The following TNRC6A variants were observed in gnomAD, a reference collection of about 807,000 sequenced individuals.
TNRC6A encodes trinucleotide repeat-containing gene 6A protein.
In TNRC6A, 44 loss-of-function variants were observed where a neutral mutation model predicts 221.2. The ratio of observed to expected loss-of-function variants is 0.20; its 90% CI spans 0.16 to 0.26. The LOEUF is 0.26. Ranked by LOEUF, TNRC6A falls within the 10% of genes least tolerant of loss-of-function variation. TNRC6A has a pLI of 1.00. For synonymous variants in TNRC6A, 847 were observed against 838.5 expected (o/e 1.01, Z -0.18); for missense variants, 2,199 against 2,404.4 (o/e 0.91, Z 1.79).
At chr16:24,726,961 T>G (rs1486227433), upstream of TNRC6A, among the ~76,000 whole-genome samples, 1 of 152,086 alleles carries the variant, frequency 6.6e-6, no homozygotes, top group African/African-American at 2.4e-5. Context: ...CACTCTACAT[T>G]GCAGCCCAGG....
intron 2 of TNRC6A, among the ~76,000 whole-genome samples, chr16:24,655,107 G>C (rs1444200756): frequency 6.6e-6 from 1 of 152,042 alleles, no homozygotes; most frequent in East Asian, 1.9e-4. Flanking sequence ...AGCTGGGCAT[G>C]GTGGCAGACG....
chr16:24,716,955 CAAAAAAAAAAAAAGAA>C (rs1287786873), intron 2 of TNRC6A, among the ~76,000 whole-genome samples: 267 of 75,180 alleles, frequency 3.6e-3, no homozygotes, highest in African/African-American at 0.012. Context: ...GACTCCATCT[CAAAAAAAAAAAAAGAA>C]AAAAAAAAAA....
intron 11 of TNRC6A, among the ~76,000 whole-genome samples, chr16:24,803,088 A>G (rs866411299): frequency 2.0e-5 from 3 of 152,178 alleles, no homozygotes; most frequent in African/African-American, 4.8e-5. Flanking sequence ...TAAAAGGGCG[A>G]TAACAGTAGA....
chr16:24,773,828 C>G (rs77547303), intron 4 of TNRC6A, among the ~76,000 whole-genome samples: 3,832 of 151,140 alleles, frequency 0.025, 168 homozygotes, highest in African/African-American at 0.087. Flanking sequence ...TTTTAATTTT[C>G]TTAGCCTTTC....
chr16:24,619,865 G>A (rs1900572370), intron 1 of TNRC6A, among the ~76,000 whole-genome samples: 1 of 152,156 alleles, frequency 6.6e-6, no homozygotes, highest in African/African-American at 2.4e-5. Context: ...CAATAGGCCA[G>A]GTGCCGTGGC....
At chr16:24,663,719 G>A (rs775952751) in intron 2 of TNRC6A, 8 of 342,254 alleles carry the variant, frequency 2.3e-5, no homozygotes, top group Non-Finnish European at 4.7e-5. Context: ...GCCAACCAGG[G>A]GAACTCACCT....
chr16:24,740,633 A>G (rs921061749), intron 2 of TNRC6A, among the ~76,000 whole-genome samples: 1 of 151,938 alleles, frequency 6.6e-6, no homozygotes, highest in Admixed American at 6.6e-5. Flanking sequence ...ATTTTTTTTA[A>G]AGTTTTTTAA....
intron 2 of TNRC6A, among the ~76,000 whole-genome samples, chr16:24,710,940 A>G (rs1036397082): frequency 1.3e-5 from 2 of 150,916 alleles, no homozygotes; most frequent in Non-Finnish European, 2.9e-5. Context: ...CAGTGGTGCG[A>G]TCTCAGCTCA....
chr16:24,650,031 C>T (rs552219779), intron 2 of TNRC6A, among the ~76,000 whole-genome samples: 25 of 151,598 alleles, frequency 1.6e-4, no homozygotes, highest in African/African-American at 6.0e-4. Context: ...ACCATGTTGG[C>T]CAGGCTGGTC....
At chr16:24,795,227 A>G (rs954935007) in intron 8 of TNRC6A, among the ~76,000 whole-genome samples, 1 of 152,220 alleles carries the variant, frequency 6.6e-6, no homozygotes, top group East Asian at 1.9e-4. Context: ...TGGACAAATC[A>G]TATTCCTAAA....
At position 24,781,043 on chromosome 16, in the gene TNRC6A, C is replaced by CTTTTTTTT. The variant is rs35502747; in HGVS notation, c.589+3703_589+3710dup. 4.5e-3 allele frequency among the ~76,000 whole-genome samples: 241 copies of CTTTTTTTT among 53,420 alleles called. 36 individuals are homozygous for CTTTTTTTT. The highest frequency in any genetic ancestry group is 0.035 in the East Asian group (49 of 1,398). The allele number at this position is 53,420 out of a possible 152,430, so 35.0% of individuals were successfully genotyped here. On this transcript the variant is annotated intron_variant, in intron 5 of 24. Transcript: ENST00000395799. ...AAAAATTTTCTTAAGCCTCCATACT[C>CTTTTTTTT]TTTTTTTTTTTTTTTTTTTTTTTTT...
chr16:24,713,935 C>T (rs761068182), intron 2 of TNRC6A, among the ~76,000 whole-genome samples: 15 of 152,082 alleles, frequency 9.9e-5, no homozygotes, highest in Admixed American at 2.0e-4. Context: ...CGTGAGGCAG[C>T]GCACTTGGCC....
intron 2 of TNRC6A, among the ~76,000 whole-genome samples, chr16:24,648,562 G>T (rs111715829): frequency 2.6e-5 from 4 of 152,016 alleles, no homozygotes; most frequent in East Asian, 1.9e-4. Context: ...GAGCCACCGC[G>T]CCCGGCCCAC....
At chr16:24,682,522 G>A (rs1406153774) in intron 2 of TNRC6A, among the ~76,000 whole-genome samples, 3 of 151,514 alleles carry the variant, frequency 2.0e-5, no homozygotes, top group Non-Finnish European at 2.9e-5. Context: ...GCTACCACAC[G>A]CAGCTGAAGG....
intron 2 of TNRC6A, among the ~76,000 whole-genome samples, chr16:24,679,533 G>C (rs2055489847): frequency 6.6e-6 from 1 of 151,796 alleles, no homozygotes; most frequent in African/African-American, 2.4e-5. Context: ...CTGGAGTGCA[G>C]TGGTGTGATC....
intron 2 of TNRC6A, among the ~76,000 whole-genome samples, chr16:24,648,650 G>C (rs1902445714): frequency 6.6e-6 from 1 of 152,114 alleles, no homozygotes; most frequent in South Asian, 2.1e-4. Context: ...ACCAACACTT[G>C]TTTCCTGTGC....
At chr16:24,627,744 C>T (rs1901104255) in intron 1 of TNRC6A, among the ~76,000 whole-genome samples, 1 of 135,534 alleles carries the variant, frequency 7.4e-6, no homozygotes, top group South Asian at 2.3e-4. Context: ...GTTGCCCAGG[C>T]TGGAGGGCAG....
chr16:24,692,435 T>C (rs2055774414), intron 2 of TNRC6A, among the ~76,000 whole-genome samples: 2 of 151,942 alleles, frequency 1.3e-5, no homozygotes, highest in Non-Finnish European at 2.9e-5. Flanking sequence ...CTGGGCATGG[T>C]GGTGGGCGCC....
At chr16:24,732,273 G>A (rs138785781) in intron 2 of TNRC6A, among the ~76,000 whole-genome samples, 3 of 152,328 alleles carry the variant, frequency 2.0e-5, no homozygotes, top group East Asian at 3.9e-4. Flanking sequence ...AAAAAAGAAT[G>A]TATCTGTCTT....
Sources: gnomAD v4.1 joint callset for allele counts (sites outside exome capture counted in the v4.1 genomes callset) on GRCh38, gnomAD v4.1.1 for gene constraint, MANE v1.5 for transcripts, NCBI Gene and HGNC (gene_info 2026-07-23, HGNC 2026-07-21) for gene names.